KIF5C: variants seen among roughly 807,000 people sequenced by gnomAD.
The protein encoded by KIF5C is kinesin family member 5C.
A neutral mutation model predicts 125.2 loss-of-function variants in KIF5C; 18 were observed. The ratio of observed to expected loss-of-function variants is 0.14; its 90% CI spans 0.10 to 0.21. The LOEUF (loss-of-function observed/expected upper bound fraction) is 0.21, where lower values mean the gene tolerates loss of function less well. Among genes scored for constraint, KIF5C ranks in the 10% least tolerant of loss-of-function variants. KIF5C has a pLI of 1.00. For synonymous variants in KIF5C, 405 were observed against 434.0 expected (o/e 0.93, Z 0.83); for missense variants, 780 against 1,183.8 (o/e 0.66, Z 5.01).
Position 148,983,630 on chromosome 2 carries a change from C to G in KIF5C, c.1580C>G (p.Thr527Arg), listed in dbSNP as rs768260603. ...AAATTTGTTTTTCAGACTACATTGACAACCACACAGAGAGAGCTGAGCCAG... is the reference window on the plus strand; with the variant it reads ...AAATTTGTTTTTCAGACTACATTGAGAACCACACAGAGAGAGCTGAGCCAG... ...DELAQKTTTL[T>R]TTQRELSQLQ... is the part of the protein sequence containing the mutation. The change falls in exon 15 of 26, where the codon ACA becomes AGA. Residue 527 changes from threonine to arginine, a missense_variant. Thr to Arg is a moderately conservative substitution (Grantham distance 71). Coordinates refer to ENST00000435030, the MANE Select transcript of KIF5C (RefSeq NM_004522.3). 3 of 1,576,812 alleles carry G rather than the reference C, an allele frequency of 1.9e-6. No individual in the cohort carries two copies. The Admixed American group carries it at 5.5e-5, about 29-fold the overall frequency.
In KIF5C at chr2:148,971,691, C is replaced by T. The variant is rs535820686; in HGVS notation, c.1118-1645C>T. 3.3e-5 allele frequency among the ~76,000 whole-genome samples: 5 copies of T among 152,276 alleles called. No homozygotes were observed. The South Asian group carries it at 1.0e-3, about 32-fold the overall frequency. ...TTTTGCTTCAAGTTGCTGCTTCAAA[C>T]GGAACTGTGATACAAAAGTGAAAGC... On this transcript the variant is annotated intron_variant, in intron 11 of 25. Transcript: ENST00000435030.
chr2:148,957,489 C>G (rs188184768), intron 10 of KIF5C, among the ~76,000 whole-genome samples: 1 of 151,370 alleles, frequency 6.6e-6, no homozygotes, highest in African/African-American at 2.4e-5. Flanking sequence ...TATTCTATAT[C>G]CTTTTACTCT....
At chr2:148,981,994 G>C (rs1005972462) in intron 14 of KIF5C, among the ~76,000 whole-genome samples, 1 of 152,184 alleles carries the variant, frequency 6.6e-6, no homozygotes, top group African/African-American at 2.4e-5. Context: ...TTTATGTAAA[G>C]CACTTAGCAC....
intron 16 of KIF5C, among the ~76,000 whole-genome samples, chr2:148,993,497 G>A (rs1321119971): frequency 1.3e-5 from 2 of 152,196 alleles, no homozygotes; most frequent in African/African-American, 2.4e-5. Context: ...TGTGATCTAA[G>A]GAATCTGACA....
chr2:148,973,224 T>A (rs938070984), intron 11 of KIF5C, 112 bp from the exon 12 acceptor site: 2 of 1,420,172 alleles, frequency 1.4e-6, no homozygotes, highest in Non-Finnish European at 1.9e-6. Context: ...TACAGCCCTT[T>A]ATTGTGTCTT....
chr2:149,007,501 A>G (rs1321417582), intron 22 of KIF5C, among the ~76,000 whole-genome samples: 1 of 152,184 alleles, frequency 6.6e-6, no homozygotes, highest in Admixed American at 6.5e-5. Context: ...AGCAGAGGCC[A>G]TTAAGACTTC....
Position 148,949,899 on chromosome 2 carries a change from T to C in KIF5C, c.775T>C (p.Leu259=), listed in dbSNP as rs1410218855. The C allele has an allele frequency of 6.2e-7, 1 of 1,613,730 alleles. No homozygotes were observed. The highest frequency in any genetic ancestry group is 2.2e-5 in the East Asian group (1 of 44,896). The stretch of plus-strand genomic sequence containing the variant: ...CGAAGCTAAAAATATCAATAAGTCT[T>C]TGTCTGCTCTTGGAAATGTGATCTC... The part of the protein sequence containing the change: ...LDEAKNINKS[L]SALGNVISAL... The change falls in exon 9 of 26, where the codon TTG becomes CTG. Residue 259 remains leucine (L), a synonymous_variant. Transcript: ENST00000435030.
At chr2:148,962,158 G>A in intron 11 of KIF5C, 39 bp downstream of exon 11, 1 of 1,527,800 alleles carries the variant, frequency 6.5e-7, no homozygotes, top group Non-Finnish European at 8.8e-7. Flanking sequence ...GCATGAGTGT[G>A]TGCTTTTTTT....
At position 148,973,529 on chromosome 2, in the gene KIF5C, C is replaced by G. The variant is rs541237023; in HGVS notation, c.1293+18C>G. ...ATGACAAGGTCTGTGGCCAGAGATT[C>G]ATAGTTCTCATTCTGCTACAAAGAT... On this transcript the variant is annotated intron_variant, in intron 12 of 25. Transcript: ENST00000435030. 6.3e-7 allele frequency: 1 copy of G among 1,590,572 alleles called. No homozygotes were observed. Among genetic ancestry groups the G allele is most frequent in the Admixed American group, 1.8e-5 (1 of 56,410 alleles).
chr2:148,982,102 G>C (rs1036658604), intron 14 of KIF5C, among the ~76,000 whole-genome samples: 6 of 152,184 alleles, frequency 3.9e-5, no homozygotes, highest in African/African-American at 1.2e-4. Context: ...CACTCTTCTT[G>C]CTTATACCCT....
At chr2:148,956,457 G>T (rs1008232737) in intron 10 of KIF5C, among the ~76,000 whole-genome samples, 13 of 152,206 alleles carry the variant, frequency 8.5e-5, no homozygotes, top group African/African-American at 3.1e-4. Flanking sequence ...GGCTTGGTCT[G>T]CCTTTCCTAA....
chr2:148,978,886 A>G, intron 12 of KIF5C, 36 bp from the exon 13 acceptor site: 2 of 1,565,882 alleles, frequency 1.3e-6, no homozygotes, highest in Non-Finnish European at 1.7e-6. Context: ...AAATGACATA[A>G]CTAACCAAAA....
At chr2:149,022,462 T>C in intron 25 of KIF5C, among the ~76,000 whole-genome samples, 1 of 151,806 alleles carries the variant, frequency 6.6e-6, no homozygotes, top group African/African-American at 2.4e-5. Context: ...TTGCAAACAC[T>C]ATTGTGTGAA....
chr2:148,897,717 G>C (rs1457744714), intron 1 of KIF5C, among the ~76,000 whole-genome samples: 1 of 151,822 alleles, frequency 6.6e-6, no homozygotes, highest in African/African-American at 2.4e-5. Flanking sequence ...TCAGGAGTTT[G>C]AGACCTGCCT....
chr2:148,888,608 C>G (rs940802093), intron 1 of KIF5C: 3 of 152,080 alleles, frequency 2.0e-5, no homozygotes, highest in Admixed American at 1.3e-4. Context: ...TCCCAACCCC[C>G]ACTCAGGTCT....
chr2:149,015,437 T>C (rs1682333030), intron 25 of KIF5C, among the ~76,000 whole-genome samples: 1 of 152,218 alleles, frequency 6.6e-6, no homozygotes, highest in African/African-American at 2.4e-5. Flanking sequence ...AAGTATCTCT[T>C]CCCTGGGTAG....
Position 149,000,411 on chromosome 2 carries a change from T to C in KIF5C, c.2211-12T>C. The C allele has an allele frequency of 6.4e-7, 1 of 1,568,564 alleles. No homozygotes were observed. The highest frequency in any genetic ancestry group is 8.7e-7 in the Non-Finnish European group (1 of 1,153,288). Reference sequence around the variant, plus strand: ...TGATGTGGAATATATTGCTTTTTCCTCTCAATTTCAGTTTGAATCAGAAAC... The same window carrying C: ...TGATGTGGAATATATTGCTTTTTCCCCTCAATTTCAGTTTGAATCAGAAAC... On this transcript the variant is annotated splice_polypyrimidine_tract_variant and intron_variant, in intron 19 of 25. Transcript: ENST00000435030.
In KIF5C at chr2:149,010,365, C is replaced by T. The variant is rs753397695; in HGVS notation, c.2767+14C>T. On this transcript the variant is annotated intron_variant, in intron 24 of 25. Coordinates refer to ENST00000435030, the MANE Select transcript of KIF5C (RefSeq NM_004522.3). ...CAGCCCAGATCGGTACGTGCGTGCA[C>T]AGTGGCGCCCGGGGTTTGAGAAGCT... The T allele has an allele frequency of 3.3e-6, 5 of 1,535,676 alleles. No homozygotes were observed. The Admixed American group carries it at 1.1e-4, about 33-fold the overall frequency.
chr2:149,011,517 G>C, intron 24 of KIF5C, 53 bp from the exon 25 acceptor site: 2 of 1,606,980 alleles, frequency 1.2e-6, no homozygotes, highest in Non-Finnish European at 1.7e-6. Flanking sequence ...CAGGGTTGCT[G>C]TTAAGACTTT....
Sources: allele counts gnomAD v4.1 joint callset (sites outside exome capture counted in the v4.1 genomes callset), GRCh38; gene constraint gnomAD v4.1.1; transcripts MANE v1.5; gene names NCBI Gene and HGNC (gene_info 2026-07-23, HGNC 2026-07-21).